SAMSN1: variants seen among roughly 807,000 people sequenced by gnomAD.
SAMSN1 encodes the protein SAM domain, SH3 domain and nuclear localization signals 1.
In SAMSN1, 31 loss-of-function variants were observed where a neutral mutation model predicts 42.0. That is an observed-to-expected ratio of 0.74 (90% CI 0.55 to 1.00). The LOEUF is 1.00. SAMSN1 is among the 50% of genes least tolerant of loss of function. The pLI is 0.00. For missense variants in SAMSN1, 464 were observed against 439.4 expected, an observed-to-expected ratio of 1.06 and a Z score of -0.50; for synonymous variants, 178 against 151.9, an observed-to-expected ratio of 1.17 and a Z score of -1.26.
chr21:14,626,956 G>GA (rs1314568537), intron 2 of SAMSN1, among the ~76,000 whole-genome samples: 3 of 152,104 alleles, frequency 2.0e-5, no homozygotes, highest in Non-Finnish European at 2.9e-5. Context: ...CATAAAAAAT[G>GA]ATGAGTTCAT....
intron 2 of SAMSN1, among the ~76,000 whole-genome samples, chr21:14,580,122 G>A (rs1262155071): frequency 6.7e-6 from 1 of 149,590 alleles, no homozygotes; most frequent in Admixed American, 6.8e-5. Flanking sequence ...TTTGATCTGA[G>A]TCTAAGGGAT....
chr21:14,539,256 C>A (rs1156416779), intron 1 of SAMSN1, among the ~76,000 whole-genome samples: 2 of 152,188 alleles, frequency 1.3e-5, no homozygotes, highest in Non-Finnish European at 2.9e-5. Flanking sequence ...CCTCTCTCAC[C>A]ACTCCTATTC....
chr21:14,554,584 T>C (rs1980698029), intron 2 of SAMSN1, among the ~76,000 whole-genome samples: 2 of 152,064 alleles, frequency 1.3e-5, no homozygotes, highest in South Asian at 2.1e-4. Context: ...GAGATTGTGC[T>C]CTCTGGATAC....
At chr21:14,524,003 C>A (rs1370170962) in intron 1 of SAMSN1, among the ~76,000 whole-genome samples, 1 of 151,946 alleles carries the variant, frequency 6.6e-6, no homozygotes, top group Non-Finnish European at 1.5e-5. Context: ...GTTAAGACAC[C>A]CTTAAGAAGA....
intron 1 of SAMSN1, among the ~76,000 whole-genome samples, chr21:14,526,032 A>AT (rs1180348402): frequency 2.6e-5 from 4 of 151,558 alleles, no homozygotes; most frequent in African/African-American, 7.3e-5. Context: ...CGCCCAGCTA[A>AT]TTTTTTTGTA....
chr21:14,636,320 A>G (rs1265414944), intron 2 of SAMSN1, among the ~76,000 whole-genome samples: 4 of 152,058 alleles, frequency 2.6e-5, no homozygotes, highest in Admixed American at 2.6e-4. Context: ...TCCCAAAAAG[A>G]CACTCTTCTA....
upstream of SAMSN1, among the ~76,000 whole-genome samples, chr21:14,586,612 A>T (rs747968269): frequency 1.3e-5 from 2 of 152,220 alleles, no homozygotes; most frequent in Non-Finnish European, 2.9e-5. Context: ...CATATAAACA[A>T]GTATATAAAC....
intron 1 of SAMSN1, among the ~76,000 whole-genome samples, chr21:14,650,407 A>C (rs1983812148): frequency 6.6e-6 from 1 of 152,168 alleles, no homozygotes; most frequent in Admixed American, 6.5e-5. Context: ...TACAACATGG[A>C]AATTAAACAA....
intron 1 of SAMSN1, among the ~76,000 whole-genome samples, chr21:14,534,584 C>A (rs1979482473): frequency 6.6e-6 from 1 of 151,134 alleles, no homozygotes; most frequent in Admixed American, 6.6e-5. Flanking sequence ...GGCGCTGTCT[C>A]GGCTCACTGC....
chr21:14,659,290 T>G (rs1456171203), upstream of SAMSN1, among the ~76,000 whole-genome samples: 1 of 151,952 alleles, frequency 6.6e-6, no homozygotes, highest in Non-Finnish European at 1.5e-5. Context: ...GCAAAGTGCA[T>G]AAATCTAAAA....
chr21:14,658,658 A>T (rs1158333837), intron 1 of SAMSN1: 1 of 696,738 alleles, frequency 1.4e-6, no homozygotes, highest in Non-Finnish European at 2.7e-6. Context: ...ATATCATCAC[A>T]TAAGAAGTTT....
At chr21:14,617,329 T>C (rs1982865554) in intron 2 of SAMSN1, among the ~76,000 whole-genome samples, 1 of 152,196 alleles carries the variant, frequency 6.6e-6, no homozygotes, top group Non-Finnish European at 1.5e-5. Context: ...CAAGGTCTTT[T>C]TCTGAAATTG....
chr21:14,578,180 T>C (rs779022652), intron 2 of SAMSN1, among the ~76,000 whole-genome samples: 2 of 152,212 alleles, frequency 1.3e-5, no homozygotes, highest in African/African-American at 4.8e-5. Context: ...TGGGTGTTTT[T>C]GGTATGCAAA....
At chr21:14,622,545 A>C (rs549374143) in intron 2 of SAMSN1, among the ~76,000 whole-genome samples, 3 of 152,234 alleles carry the variant, frequency 2.0e-5, no homozygotes, top group Non-Finnish European at 4.4e-5. Flanking sequence ...AAATGAATGA[A>C]ATGAAATGAG....
chr21:14,497,464 A>G (rs987568857), intron 7 of SAMSN1, among the ~76,000 whole-genome samples: 1 of 152,046 alleles, frequency 6.6e-6, no homozygotes, highest in African/African-American at 2.4e-5. Context: ...GTGTGGTGGC[A>G]TGCCTATAAT....
rs189837035 is a variant in SAMSN1 at position 14,633,160 on chromosome 21, C to T, written c.156+9842G>A. Among the ~76,000 whole-genome samples, 4 of 152,078 alleles carry T rather than the reference C, an allele frequency of 2.6e-5. No homozygotes were observed. In the East Asian group the frequency reaches 7.7e-4, roughly 29 times the overall value. On this transcript the variant is annotated intron_variant, in intron 2 of 15. Coordinates refer to the SAMSN1 transcript ENST00000647101. ...CACAGTACCCAGATATTTAGTGAAA[C>T]ACCAGTCTAGATGTTGCTCTCTCTC...
intron 2 of SAMSN1, among the ~76,000 whole-genome samples, chr21:14,578,322 A>G (rs1981574343): frequency 6.6e-6 from 1 of 152,030 alleles, no homozygotes; most frequent in Non-Finnish European, 1.5e-5. Flanking sequence ...TAAATCCATC[A>G]GCACCCACCT....
At chr21:14,611,973 A>T (rs1204393980) in intron 4 of SAMSN1, among the ~76,000 whole-genome samples, 1 of 152,142 alleles carries the variant, frequency 6.6e-6, no homozygotes, top group East Asian at 1.9e-4. Context: ...GGTGGCTCAC[A>T]CCTGTAATCC....
At chr21:14,641,044 T>C (rs994347927) in intron 2 of SAMSN1, among the ~76,000 whole-genome samples, 12 of 151,926 alleles carry the variant, frequency 7.9e-5, no homozygotes, top group Non-Finnish European at 1.2e-4. Flanking sequence ...ATCTTCAGGC[T>C]CTTCAGCCTA....
Sources: allele counts gnomAD v4.1 joint callset (sites outside exome capture counted in the v4.1 genomes callset), GRCh38; gene constraint gnomAD v4.1.1; transcripts MANE v1.5; gene names NCBI Gene and HGNC (gene_info 2026-07-23, HGNC 2026-07-21).